The following RBL1 variants were observed in gnomAD, a reference collection of about 807,000 sequenced individuals.
RBL1 encodes the protein retinoblastoma-like protein 1.
A neutral mutation model predicts 123.0 loss-of-function variants in RBL1; 82 were observed. The ratio of observed to expected loss-of-function variants is 0.67; its 90% CI spans 0.56 to 0.80. The LOEUF (loss-of-function observed/expected upper bound fraction) is 0.80, where lower values mean the gene tolerates loss of function less well. Among genes scored for constraint, RBL1 ranks in the 30% least tolerant of loss-of-function variants. RBL1 has a pLI of 0.00. For synonymous variants in RBL1, 405 were observed against 441.3 expected (o/e 0.92, Z 1.03); for missense variants, 1,171 against 1,299.6 (o/e 0.90, Z 1.52).
intron 21 of RBL1, among the ~76,000 whole-genome samples, chr20:37,000,883 T>C (rs1346764646): frequency 3.7e-5 from 5 of 133,658 alleles, no homozygotes; most frequent in Admixed American, 7.5e-5. Flanking sequence ...AGCCGCCCCG[T>C]CCAGGAGGGA....
intron 13 of RBL1, among the ~76,000 whole-genome samples, 187 bp from the exon 14 acceptor site, chr20:37,040,472 C>A (rs550885080): frequency 4.6e-5 from 7 of 152,250 alleles, no homozygotes; most frequent in Non-Finnish European, 1.0e-4. Flanking sequence ...CCTTCCTCAG[C>A]CTCCTGAGTA....
In RBL1 at chr20:37,061,237, G is replaced by A. The variant is rs1161283104; in HGVS notation, c.1116C>T (p.Thr372=). 1.9e-6 allele frequency: 3 copies of A among 1,613,520 alleles called. No individual in the cohort carries two copies. Among genetic ancestry groups the A allele is most frequent in the South Asian group, 1.1e-5 (1 of 90,918 alleles). Residue 372 remains threonine (T), a synonymous_variant, in exon 9 of 22, where the codon ACC becomes ACT. Coordinates refer to ENST00000373664, the MANE Select transcript of RBL1 (RefSeq NM_002895.5). ...KRSFAPSTPL[T]GRRYLREKEA... ...CTTTTTCTCGTAAATATCTCCGTCC[G>A]GTCAGTGGGGTAGAAGGTGCAAATG...
In RBL1 at chr20:37,047,057, T is replaced by C; in HGVS notation, c.1601A>G (p.Tyr534Cys). The change falls in exon 12 of 22, where the codon TAT becomes TGT. Residue 534 changes from tyrosine to cysteine, a missense_variant. Physicochemically the swap from Tyr to Cys is radical, Grantham distance 194. Transcript: ENST00000373664. ...AGAACTTTGTTTTCATCTCACCTTA[T>C]AAAAGTAAAATGGTTGCAAGTTGAG... is the stretch of plus-strand genomic sequence containing the variant. Reference protein sequence around the residue: ...EVLNLQPFYFYKVIEVVIRSE... With the variant: ...EVLNLQPFYFCKVIEVVIRSE... 1 of 1,582,368 alleles carries C rather than the reference T, an allele frequency of 6.3e-7. No individual in the cohort carries two copies. The highest frequency in any genetic ancestry group is 8.5e-7 in the Non-Finnish European group (1 of 1,172,822).
At chr20:37,004,135 A>G (rs2064032780) in intron 20 of RBL1, among the ~76,000 whole-genome samples, 2 of 151,078 alleles carry the variant, frequency 1.3e-5, no homozygotes, top group Admixed American at 6.6e-5. Flanking sequence ...CGATGGCGCA[A>G]TCTAGGCTCA....
At chr20:37,000,296 C>A (rs1163415119) in intron 21 of RBL1, among the ~76,000 whole-genome samples, 10 of 149,922 alleles carry the variant, frequency 6.7e-5, no homozygotes, top group African/African-American at 2.5e-4. Context: ...CTTCGCCTGG[C>A]AGCCACCCCG....
chr20:37,026,251 TA>T (rs998712605), intron 16 of RBL1, among the ~76,000 whole-genome samples: 6 of 152,268 alleles, frequency 3.9e-5, no homozygotes, highest in Admixed American at 3.9e-4. Context: ...TATAAAAATG[TA>T]AAAAATAATC....
At chr20:37,062,434 A>G (rs1373896256) in intron 7 of RBL1, among the ~76,000 whole-genome samples, 164 bp from the exon 8 acceptor site, 1 of 152,184 alleles carries the variant, frequency 6.6e-6, no homozygotes, top group African/African-American at 2.4e-5. Flanking sequence ...GATTATGGAC[A>G]TTCTTCAAAT....
chr20:37,083,482 A>T (rs1442802951), intron 2 of RBL1, among the ~76,000 whole-genome samples: 1 of 148,256 alleles, frequency 6.7e-6, no homozygotes, highest in Non-Finnish European at 1.5e-5. Flanking sequence ...AAACACAAAC[A>T]AAAAATAAAA....
chr20:37,054,449 A>C (rs1477756150), intron 11 of RBL1, among the ~76,000 whole-genome samples: 2 of 152,092 alleles, frequency 1.3e-5, no homozygotes, highest in African/African-American at 4.8e-5. Context: ...GCGCCACTGC[A>C]CTCCAGCCTG....
intron 2 of RBL1, among the ~76,000 whole-genome samples, chr20:37,075,264 G>T (rs2065346030): frequency 6.6e-6 from 1 of 152,098 alleles, no homozygotes; most frequent in African/African-American, 2.4e-5. Context: ...TGATGGAAAT[G>T]TCCTAAAATG....
At position 37,095,644 on chromosome 20, in the gene RBL1, C is replaced by T. The variant is rs535812251; in HGVS notation, c.156+129G>A. On this transcript the variant is annotated intron_variant, in intron 1 of 21. Coordinates refer to ENST00000373664, the MANE Select transcript of RBL1 (RefSeq NM_002895.5). Reference sequence around the variant, plus strand: ...AGCTACACCCACCTTTCCCGCCCCTCGGCGCTTGGCTGCGCAGCGACCCTC... The same window carrying T: ...AGCTACACCCACCTTTCCCGCCCCTTGGCGCTTGGCTGCGCAGCGACCCTC... The T allele has an allele frequency of 2.2e-5, 17 of 779,524 alleles. No homozygotes were observed. The South Asian group carries it at 4.9e-4, about 22-fold the overall frequency. 48.3% of individuals were successfully genotyped at this position (779,524 alleles called of 1,614,324 possible).
intron 7 of RBL1, among the ~76,000 whole-genome samples, chr20:37,063,936 C>T (rs1449748015): frequency 1.3e-5 from 2 of 151,802 alleles, no homozygotes; most frequent in South Asian, 2.1e-4. Context: ...GATCCTCCCA[C>T]CTCAGCCTCC....
chr20:37,042,712 G>C (rs1038560507), intron 13 of RBL1, among the ~76,000 whole-genome samples: 1 of 151,766 alleles, frequency 6.6e-6, no homozygotes, highest in Non-Finnish European at 1.5e-5. Context: ...AGACTAGCCT[G>C]GGCAACATAG....
chr20:37,040,269 T>A lies in RBL1; in HGVS notation c.1787A>T (p.Asn596Ile). The change falls in exon 14 of 22, where the codon AAC becomes ATC. Residue 596 changes from asparagine (N) to isoleucine (I), a missense_variant. Asn to Ile is a moderately radical substitution (Grantham distance 149, BLOSUM62 -3). Coordinates refer to ENST00000373664, the MANE Select transcript of RBL1 (RefSeq NM_002895.5). Reference protein sequence around the residue: ...PTCEEVIFPNNFETGNGGNVQ... With the variant: ...PTCEEVIFPNIFETGNGGNVQ... ...ATTTCCTCCATTTCCTGTTTCAAAG[T>A]TATTTGGGAATATAACCTGTAGAAA... 2 of 1,614,080 alleles carry A rather than the reference T, an allele frequency of 1.2e-6. No individual in the cohort carries two copies. Among genetic ancestry groups the A allele is most frequent in the Non-Finnish European group, 1.7e-6 (2 of 1,179,958 alleles).
At chr20:37,007,128 C>T (rs1397120692) in intron 20 of RBL1, among the ~76,000 whole-genome samples, 2 of 151,842 alleles carry the variant, frequency 1.3e-5, no homozygotes, top group East Asian at 1.9e-4. Flanking sequence ...ATGTGGCTGT[C>T]GTACCAGCTA....
At chr20:37,076,983 C>T (rs2065373822) in intron 2 of RBL1, among the ~76,000 whole-genome samples, 1 of 147,984 alleles carries the variant, frequency 6.8e-6, no homozygotes, top group African/African-American at 2.5e-5. Flanking sequence ...GTCGCCCAGG[C>T]TGGAGTGCAG....
At chr20:37,049,651 A>T (rs1469734146) in intron 11 of RBL1, 12 of 755,094 alleles carry the variant, frequency 1.6e-5, no homozygotes, top group South Asian at 2.7e-5. Flanking sequence ...CCACTTTGAC[A>T]GACATTATTG....
chr20:37,011,009 G>C (rs1425210855), intron 19 of RBL1, among the ~76,000 whole-genome samples: 1 of 151,836 alleles, frequency 6.6e-6, no homozygotes. Context: ...TTTGCAGACA[G>C]GGGTCTTGCT....
At chr20:37,050,177 G>A (rs910052839) in intron 11 of RBL1, among the ~76,000 whole-genome samples, 1 of 152,108 alleles carries the variant, frequency 6.6e-6, no homozygotes, top group Non-Finnish European at 1.5e-5. Context: ...TAGAGAACAT[G>A]AAAGAGAAAT....
Sources: gnomAD v4.1 joint callset for allele counts (sites outside exome capture counted in the v4.1 genomes callset) on GRCh38, gnomAD v4.1.1 for gene constraint, MANE v1.5 for transcripts, NCBI Gene and HGNC (gene_info 2026-07-23, HGNC 2026-07-21) for gene names.